LRCH2: variants seen among roughly 807,000 people sequenced by gnomAD.
LRCH2 encodes the protein leucine rich repeats and calponin homology domain containing 2, also known as leucine-rich repeat and calponin homology domain-containing protein 2.
A neutral mutation model predicts 68.9 loss-of-function variants in LRCH2; 38 were observed. The ratio of observed to expected loss-of-function variants is 0.55; its 90% CI spans 0.43 to 0.72. The LOEUF is 0.72. Among genes scored for constraint, LRCH2 ranks in the 30% least tolerant of loss-of-function variants. The pLI, the probability that LRCH2 is intolerant of heterozygous loss-of-function variation, is 0.00. For synonymous variants in LRCH2, 191 were observed against 208.1 expected (o/e 0.92, Z 0.71); for missense variants, 528 against 572.9 (o/e 0.92, Z 0.80).
At chrX:115,182,843 A>T (rs1175795660) in intron 3 of LRCH2, among the ~76,000 whole-genome samples, 2 of 108,557 alleles carry the variant, frequency 1.8e-5, no homozygotes. Context: ...AAAAAAAAAA[A>T]AAAAAAAAAA....
At chrX:115,184,264 A>T in intron 3 of LRCH2, 147 bp downstream of exon 3, 1 of 429,765 alleles carries the variant, frequency 2.3e-6, no homozygotes, top group South Asian at 9.0e-5. Flanking sequence ...GTATCTCAAG[A>T]TTTTACTAAA....
chrX:115,170,950 A>G (rs1441126698), intron 5 of LRCH2, among the ~76,000 whole-genome samples: 2 of 111,718 alleles, frequency 1.8e-5, no homozygotes, highest in African/African-American at 6.5e-5. Context: ...AAATAATAAA[A>G]GAAAACACTG....
chrX:115,191,531 G>A, intron 1 of LRCH2: 1 of 1,120,995 alleles, frequency 8.9e-7, no homozygotes, highest in East Asian at 3.8e-5. Flanking sequence ...GACAGTTCCA[G>A]CCAGAGCAAC....
intron 7 of LRCH2, 64 bp downstream of exon 7, chrX:115,166,191 G>T: frequency 3.7e-6 from 3 of 815,833 alleles, no homozygotes; most frequent in Non-Finnish European, 5.4e-6. Flanking sequence ...ATGCACAAGG[G>T]TCTCTATTTC....
chrX:115,133,967 T>C (rs782477578), intron 14 of LRCH2, among the ~76,000 whole-genome samples: 35 of 112,228 alleles, frequency 3.1e-4, no homozygotes, highest in Non-Finnish European at 5.8e-4. Context: ...GGCCTCTTGC[T>C]CCAATTAACC....
chrX:115,148,099 C>T (rs2072402673), intron 14 of LRCH2, among the ~76,000 whole-genome samples: 2 of 111,288 alleles, frequency 1.8e-5, no homozygotes, highest in Admixed American at 1.9e-4. Context: ...ACCAGTAAAA[C>T]TGTGTTTGTT....
In LRCH2 at chrX:115,112,245, T is replaced by A. The variant is rs2072048850; in HGVS notation, c.*971A>T. 1 of 111,708 alleles carries A rather than the reference T, an allele frequency of 9.0e-6. No homozygotes were observed. The highest frequency in any genetic ancestry group is 3.2e-5 in the African/African-American group (1 of 30,817). 9.2% of individuals were successfully genotyped at this position (111,708 alleles called of 1,213,427 possible). ...CAAAGGGAAGATATAAACCCAAACT[T>A]TGGCAGTTTTATCAAAATGTCCTTG... On this transcript the variant is annotated 3_prime_UTR_variant, in exon 21 of 21. Transcript: ENST00000317135.
At chrX:115,156,412 C>T (rs2147378859) in intron 12 of LRCH2, among the ~76,000 whole-genome samples, 190 bp downstream of exon 12, 1 of 111,289 alleles carries the variant, frequency 9.0e-6, no homozygotes, top group South Asian at 3.8e-4. Flanking sequence ...CAAAAAAGAT[C>T]AGCATTTTTT....
At chrX:115,190,793 C>T (rs1569515793) in intron 1 of LRCH2, 1 of 1,162,705 alleles carries the variant, frequency 8.6e-7, no homozygotes, top group African/African-American at 1.8e-5. Flanking sequence ...TCCGACGACG[C>T]CTACAGTGGG....
chrX:115,164,642 AG>A (rs1380437493), intron 10 of LRCH2, among the ~76,000 whole-genome samples: 9 of 111,628 alleles, frequency 8.1e-5, no homozygotes, highest in African/African-American at 2.9e-4. Flanking sequence ...TCTAGGTACT[AG>A]TGGACACTGG....
chrX:115,140,550 C>G (rs1267225238), intron 14 of LRCH2, among the ~76,000 whole-genome samples: 1 of 111,719 alleles, frequency 9.0e-6, no homozygotes, highest in East Asian at 2.8e-4. Context: ...CAAGCAGTCT[C>G]TTGGAGTTCA....
intron 14 of LRCH2, among the ~76,000 whole-genome samples, chrX:115,132,568 G>A (rs1556530604): frequency 8.9e-6 from 1 of 111,769 alleles, no homozygotes; most frequent in East Asian, 2.8e-4. Context: ...GCCAAAAACT[G>A]GGAAGTGAGC....
intron 1 of LRCH2, among the ~76,000 whole-genome samples, chrX:115,232,542 C>T (rs144656278): frequency 3.1e-4 from 35 of 111,571 alleles, no homozygotes; most frequent in African/African-American, 4.2e-4. Flanking sequence ...TTTTCCTCCT[C>T]TCCCCACTTT....
chrX:115,118,191 GTT>G (rs1190475547), intron 20 of LRCH2, among the ~76,000 whole-genome samples: 1 of 109,199 alleles, frequency 9.2e-6, no homozygotes, highest in Non-Finnish European at 1.9e-5. Flanking sequence ...TAAAAAAAGG[GTT>G]TTTTTTAACC....
Position 115,165,575 on chromosome X carries a change from A to G in LRCH2, c.1279T>C (p.Phe427Leu), listed in dbSNP as rs1312911410. ...PEQGNAHIGS[F>L]VSFFKGKEKC... ...TTATTTACCTTAAAGAATGATACAA[A>G]TGATCCAATATGTGCATTTCCCTGT... Residue 427 changes from phenylalanine (F) to leucine (L), a missense_variant, in exon 9 of 21, where the codon TTT (phenylalanine) becomes CTT (leucine). Coordinates refer to ENST00000317135, the MANE Select transcript of LRCH2 (RefSeq NM_020871.4). The G allele has an allele frequency of 4.3e-6, 5 of 1,157,782 alleles. No individual in the cohort carries two copies. Among genetic ancestry groups the G allele is most frequent in the Non-Finnish European group, 5.8e-6 (5 of 866,282 alleles).
chrX:115,169,152 T>C (rs1344974804), intron 6 of LRCH2, among the ~76,000 whole-genome samples: 14 of 112,049 alleles, frequency 1.2e-4, no homozygotes, highest in Non-Finnish European at 2.4e-4. Context: ...TAGCACAGAA[T>C]ACAATTTGAA....
At chrX:115,158,666 A>G (rs2072493917) in intron 11 of LRCH2, among the ~76,000 whole-genome samples, 2 of 112,113 alleles carry the variant, frequency 1.8e-5, no homozygotes, top group South Asian at 3.6e-4. Context: ...AAAAACTCTC[A>G]AGACACACCT....
rs782154276 is a variant in LRCH2, at chrX:115,191,095, C to T, written c.350-2725G>A. ...GAGCCACCGCTATGGAGGAGAAGGC[C>T]GCTATGAGTACCGAGGCCGCTCGCA... On this transcript the variant is annotated intron_variant, in intron 1 of 20. Transcript: ENST00000317135. The T allele has an allele frequency of 2.5e-5, 29 of 1,159,591 alleles. No individual in the cohort carries two copies. The highest frequency in any genetic ancestry group is 2.4e-4 in the Middle Eastern group (1 of 4,251).
At chrX:115,136,497 C>G (rs1344972790) in intron 14 of LRCH2, among the ~76,000 whole-genome samples, 1 of 106,712 alleles carries the variant, frequency 9.4e-6, no homozygotes, top group Non-Finnish European at 1.9e-5. Context: ...TTTTTTTTGC[C>G]TTTTTTCCCC....
Sources: allele counts gnomAD v4.1 joint callset (sites outside exome capture counted in the v4.1 genomes callset), GRCh38; gene constraint gnomAD v4.1.1; transcripts MANE v1.5; gene names NCBI Gene and HGNC (gene_info 2026-07-23, HGNC 2026-07-21).